VPS13B: variants seen among roughly 807,000 people sequenced by gnomAD.
The protein encoded by VPS13B is vacuolar protein sorting 13 homolog B.
VPS13B carries 285 observed loss-of-function variants against 426.4 expected under a neutral mutation model. The ratio of observed to expected loss-of-function variants is 0.67; its 90% CI spans 0.61 to 0.74. VPS13B has a LOEUF of 0.74. VPS13B is among the 30% of genes least tolerant of loss of function. The probability of loss-of-function intolerance (pLI) is 0.00; values close to 1 mark genes in which losing one functional copy is unlikely to be tolerated. For synonymous variants in VPS13B, 1,676 were observed against 1,676.4 expected, an observed-to-expected ratio of 1.00 and a Z score of 0.01; for missense variants, 4,537 against 4,782.6, an observed-to-expected ratio of 0.95 and a Z score of 1.51.
chr8:99,016,586 CTTTTTTTTT>C (rs754060289), intron 2 of VPS13B, among the ~76,000 whole-genome samples: 2 of 60,730 alleles, frequency 3.3e-5, no homozygotes, highest in African/African-American at 1.4e-4. Context: ...TATAGGAATT[CTTTTTTTTT>C]TTTTTTTTTT....
Position 99,823,944 on chromosome 8 carries a change from A to G in VPS13B, c.9296A>G (p.Gln3099Arg). The change falls in exon 51 of 62, where the codon CAG becomes CGG. Residue 3099 changes from glutamine (Q) to arginine (R), a missense_variant. Gln to Arg is a conservative substitution (Grantham distance 43). Coordinates refer to ENST00000357162, the MANE Select transcript of VPS13B (RefSeq NM_152564.5). Reference sequence around the variant, plus strand: ...CCATATCAAATATTTTATAAACCACAGCTATCTGTCTGCAATCCCCATTCT... The same window carrying G: ...CCATATCAAATATTTTATAAACCACGGCTATCTGTCTGCAATCCCCATTCT... The part of the protein sequence containing the change: ...NTPYQIFYKP[Q>R]LSVCNPHSGK... 6.2e-7 allele frequency: 1 copy of G among 1,613,272 alleles called. No homozygotes were observed. Among genetic ancestry groups the G allele is most frequent in the Non-Finnish European group, 8.5e-7 (1 of 1,179,856 alleles).
chr8:99,267,713 G>A (rs1011293991), intron 17 of VPS13B, among the ~76,000 whole-genome samples: 79 of 150,372 alleles, frequency 5.3e-4, no homozygotes, highest in African/African-American at 1.7e-3. Context: ...GCGACAGAGT[G>A]AGACTCCGTC....
At chr8:99,404,579 C>T (rs1815228695) in intron 21 of VPS13B, among the ~76,000 whole-genome samples, 1 of 152,124 alleles carries the variant, frequency 6.6e-6, no homozygotes, top group Non-Finnish European at 1.5e-5. Flanking sequence ...TTTCTTAAAG[C>T]TTTGAATATT....
chr8:99,191,376 CTTT>C (rs35215814), intron 16 of VPS13B, among the ~76,000 whole-genome samples: 92 of 70,926 alleles, frequency 1.3e-3, no homozygotes, highest in African/African-American at 5.0e-3. Flanking sequence ...CTCTCTCTCT[CTTT>C]TTTTTTTTTT....
rs768921663 is a variant in VPS13B, at chr8:99,135,000, C to T, written c.1303-15C>T. The T allele has an allele frequency of 5.0e-5, 80 of 1,613,090 alleles. No homozygotes were observed. Among genetic ancestry groups the T allele is most frequent in the Non-Finnish European group, 6.8e-5 (80 of 1,179,392 alleles). On this transcript the variant is annotated splice_polypyrimidine_tract_variant and intron_variant, in intron 9 of 61. Coordinates refer to ENST00000357162, the MANE Select transcript of VPS13B (RefSeq NM_152564.5). ...AATTCAATTCTTAGTTCTAATGTTT[C>T]CTTTCGTCTTATAGGCCCTTATGAT...
At chr8:99,856,615 C>T (rs556221533) in intron 56 of VPS13B, among the ~76,000 whole-genome samples, 5 of 152,252 alleles carry the variant, frequency 3.3e-5, no homozygotes, top group South Asian at 2.1e-4. Flanking sequence ...CCGAGGTGGG[C>T]GAATTGCCTG....
chr8:99,818,690 G>T (rs769935683), intron 46 of VPS13B, 23 bp from the exon 47 acceptor site: 1 of 1,613,064 alleles, frequency 6.2e-7, no homozygotes, highest in East Asian at 2.2e-5. Context: ...TATGAAAGTT[G>T]TTCTATCCTT....
chr8:99,631,167 C>G (rs1450426706), intron 33 of VPS13B, among the ~76,000 whole-genome samples: 2 of 151,860 alleles, frequency 1.3e-5, no homozygotes, highest in Non-Finnish European at 2.9e-5. Context: ...CAATTTATCT[C>G]AAAAATCTTA....
chr8:99,634,601 T>G (rs1828997576), intron 33 of VPS13B, among the ~76,000 whole-genome samples: 1 of 152,060 alleles, frequency 6.6e-6, no homozygotes, highest in African/African-American at 2.4e-5. Context: ...TGGGAACAAT[T>G]ATATTATTTG....
chr8:99,575,659 A>T lies in VPS13B; in HGVS notation c.4951A>T (p.Ile1651Leu). The T allele has an allele frequency of 6.2e-7, 1 of 1,613,920 alleles. No homozygotes were observed. Among genetic ancestry groups the T allele is most frequent in the Non-Finnish European group, 8.5e-7 (1 of 1,179,896 alleles). Residue 1651 changes from isoleucine to leucine, a missense_variant and splice_region_variant, in exon 32 of 62, where the codon ATA becomes TTA. Transcript: ENST00000357162. ...ATAATCTTTTACTCTATCTTTTAGC[A>T]TACGGCGGCATCAAGAAAGGAGAGC... ...PALEWNMASS[I>L]RRHQERRAIL...
At chr8:99,035,094 T>TGA (rs1376163838) in intron 2 of VPS13B, among the ~76,000 whole-genome samples, 1 of 148,114 alleles carries the variant, frequency 6.8e-6, no homozygotes, top group African/African-American at 2.4e-5. Flanking sequence ...CTTGGCATGC[T>TGA]GAGGTGGGAG....
intron 35 of VPS13B, among the ~76,000 whole-genome samples, chr8:99,667,517 G>A (rs950686212): frequency 3.3e-5 from 5 of 152,060 alleles, no homozygotes; most frequent in African/African-American, 9.7e-5. Flanking sequence ...TTTTATTTGA[G>A]AGAAGATTAG....
intron 32 of VPS13B, among the ~76,000 whole-genome samples, chr8:99,576,656 A>G (rs1194011386): frequency 6.6e-6 from 1 of 152,176 alleles, no homozygotes; most frequent in African/African-American, 2.4e-5. Flanking sequence ...GACATTTCCA[A>G]GCATTTGAAC....
In VPS13B at chr8:99,275,134, A is replaced by G. The variant is rs149531438; in HGVS notation, c.2704A>G (p.Lys902Glu). 1.2e-3 allele frequency: 1,863 copies of G among 1,612,514 alleles called. 2 individuals carry two copies. Among genetic ancestry groups the G allele is most frequent in the Non-Finnish European group, 1.5e-3 (1,768 of 1,179,166 alleles). ...IPLLQGPSDTKDLHSTKWLNE... is the reference protein window; with the variant it reads ...IPLLQGPSDTEDLHSTKWLNE... ...CTTGCTTCAGGGTCCTTCTGACACT[A>G]AAGACCTTCATAGCACCAAGTGGCT... The change falls in exon 19 of 62, where the codon AAA becomes GAA. Residue 902 changes from lysine (K) to glutamate (E), a missense_variant. Physicochemically the swap from Lys to Glu is moderately conservative, Grantham distance 56. Coordinates refer to ENST00000357162, the MANE Select transcript of VPS13B (RefSeq NM_152564.5).
intron 15 of VPS13B, among the ~76,000 whole-genome samples, chr8:99,162,608 C>T (rs1235714715): frequency 6.6e-6 from 1 of 151,986 alleles, no homozygotes; most frequent in East Asian, 1.9e-4. Flanking sequence ...CAGACGTTTG[C>T]AGTGAGTGTT....
intron 43 of VPS13B, among the ~76,000 whole-genome samples, chr8:99,801,090 G>T (rs985817836): frequency 6.6e-6 from 1 of 152,142 alleles, no homozygotes; most frequent in Admixed American, 6.5e-5. Context: ...TGTCTCTCAC[G>T]TATCAATCCC....
chr8:99,292,877 A>G (rs1819813262), intron 19 of VPS13B, among the ~76,000 whole-genome samples: 1 of 152,180 alleles, frequency 6.6e-6, no homozygotes, highest in South Asian at 2.1e-4. Context: ...TAAACACACA[A>G]TGCAACTAAT....
chr8:99,261,738 A>T (rs1818049680), intron 17 of VPS13B, among the ~76,000 whole-genome samples: 1 of 152,192 alleles, frequency 6.6e-6, no homozygotes. Context: ...ATTGTCATTG[A>T]GGTTAATTCT....
chr8:99,342,572 T>C (rs2133189182), intron 19 of VPS13B, among the ~76,000 whole-genome samples: 1 of 152,286 alleles, frequency 6.6e-6, no homozygotes, highest in East Asian at 1.9e-4. Context: ...AATGACAAAT[T>C]TTTATTTACT....
Sources: allele counts gnomAD v4.1 joint callset (sites outside exome capture counted in the v4.1 genomes callset), GRCh38; gene constraint gnomAD v4.1.1; transcripts MANE v1.5; gene names NCBI Gene and HGNC (gene_info 2026-07-23, HGNC 2026-07-21).